Variants in KLF13 observed in about 807,000 individuals in gnomAD.
KLF13 encodes Krueppel-like factor 13.
KLF13 carries 8 observed loss-of-function variants against 16.7 expected under a neutral mutation model. That is an observed-to-expected ratio of 0.48 (90% CI 0.28 to 0.87). The LOEUF (loss-of-function observed/expected upper bound fraction) is 0.87, where lower values mean the gene tolerates loss of function less well. KLF13 is among the 40% of genes least tolerant of loss of function. The pLI, the probability that KLF13 is intolerant of heterozygous loss-of-function variation, is 0.10. For missense variants in KLF13, 447 were observed against 452.2 expected (o/e 0.99, Z 0.10); for synonymous variants, 245 against 208.4 (o/e 1.18, Z -1.51).
At chr15:31,416,430 A>G (rs559915360) in intron 1 of KLF13, among the ~76,000 whole-genome samples, 15 of 152,184 alleles carry the variant, frequency 9.9e-5, no homozygotes, top group Admixed American at 4.6e-4. Context: ...GCAATATATA[A>G]AAAGAATTAT....
intron 1 of KLF13, among the ~76,000 whole-genome samples, chr15:31,426,857 T>C (rs376377714): frequency 5.9e-5 from 9 of 152,088 alleles, no homozygotes; most frequent in South Asian, 4.2e-4. Context: ...GCAGCTGGGG[T>C]CTGGAAAGAA....
chr15:31,392,449 C>T (rs976496435), upstream of KLF13, among the ~76,000 whole-genome samples: 2 of 152,170 alleles, frequency 1.3e-5, no homozygotes, highest in Non-Finnish European at 2.9e-5. Flanking sequence ...CCTGATGTGG[C>T]CCCGCCCTGC....
chr15:31,365,709 C>T (rs1334487429), intron 1 of KLF13, among the ~76,000 whole-genome samples: 1 of 152,072 alleles, frequency 6.6e-6, no homozygotes, highest in Non-Finnish European at 1.5e-5. Context: ...CGCAGGAGGG[C>T]AGAGCAGAGT....
At chr15:31,388,314 A>T (rs1016589720), upstream of KLF13, among the ~76,000 whole-genome samples, 5 of 152,148 alleles carry the variant, frequency 3.3e-5, no homozygotes, top group Non-Finnish European at 7.3e-5. Flanking sequence ...AAATGATTTT[A>T]AAAATGAAAC....
At chr15:31,398,164 A>G (rs2039981705) in intron 2 of KLF13, among the ~76,000 whole-genome samples, 1 of 152,146 alleles carries the variant, frequency 6.6e-6, no homozygotes, top group Non-Finnish European at 1.5e-5. Context: ...AAAGCACAGG[A>G]TGCTCCTGCT....
At chr15:31,352,129 T>C (rs1249505300) in intron 1 of KLF13, among the ~76,000 whole-genome samples, 1 of 151,626 alleles carries the variant, frequency 6.6e-6, no homozygotes, top group African/African-American at 2.4e-5. Context: ...ACTGTTGGAG[T>C]TTACACAACA....
downstream of KLF13, among the ~76,000 whole-genome samples, chr15:31,405,326 G>GGA (rs1238812891): frequency 2.0e-5 from 3 of 151,500 alleles, no homozygotes. Context: ...AAAAACAGAA[G>GGA]GAAAAAAAAA....
At position 31,424,875 on chromosome 15, in the gene KLF13, TCA is replaced by T. The variant is rs71110875; in HGVS notation, n.118-10466_118-10465del. Among the ~76,000 whole-genome samples the T allele has an allele frequency of 8.6e-4, 126 of 146,306 alleles. 3 individuals carry two copies. The highest frequency in any genetic ancestry group is 2.7e-3 in the African/African-American group (107 of 39,240). On this transcript the variant is annotated intron_variant and non_coding_transcript_variant, in intron 1 of 1. Transcript: ENST00000558225. ...TTATATGTAGAAAATTCTAGAGATT[TCA>T]CACACACACACACACACACACACAC...
At chr15:31,382,107 C>G (rs1332231476), downstream of KLF13, among the ~76,000 whole-genome samples, 2 of 152,214 alleles carry the variant, frequency 1.3e-5, no homozygotes, top group Non-Finnish European at 2.9e-5. Context: ...GCCAGATACT[C>G]AGGCCCCCAG....
chr15:31,409,367 C>T (rs1223040554), downstream of KLF13, among the ~76,000 whole-genome samples: 4 of 151,958 alleles, frequency 2.6e-5, no homozygotes, highest in Non-Finnish European at 4.4e-5. Context: ...GCAATATATG[C>T]ATTATACAAA....
chr15:31,425,084 G>T (rs1314591304), intron 1 of KLF13, among the ~76,000 whole-genome samples: 5 of 151,914 alleles, frequency 3.3e-5, no homozygotes, highest in Non-Finnish European at 7.4e-5. Context: ...AATCAAGGAG[G>T]TGAAAGACTT....
chr15:31,420,666 G>T, intron 1 of KLF13: 2 of 360,566 alleles, frequency 5.5e-6, no homozygotes, highest in South Asian at 2.5e-5. Flanking sequence ...CCTGACCCAG[G>T]CTGCCCAGAC....
At chr15:31,331,555 G>A (rs535140047) in intron 1 of KLF13, among the ~76,000 whole-genome samples, 1 of 152,184 alleles carries the variant, frequency 6.6e-6, no homozygotes, top group African/African-American at 2.4e-5. Flanking sequence ...GAGGGCATCT[G>A]GCAGAGCAGA....
At chr15:31,338,041 G>C (rs1245284182) in intron 1 of KLF13, among the ~76,000 whole-genome samples, 1 of 152,226 alleles carries the variant, frequency 6.6e-6, no homozygotes, top group East Asian at 1.9e-4. Context: ...TCAGGCTTTA[G>C]AGTCTTACAG....
In KLF13 at chr15:31,327,217, C is replaced by T; in HGVS notation, c.5C>T (p.Ala2Val). 7.4e-7 allele frequency: 1 copy of T among 1,355,904 alleles called. No individual in the cohort carries two copies. The highest frequency in any genetic ancestry group is 9.5e-7 in the Non-Finnish European group (1 of 1,053,152). 84.0% of individuals were successfully genotyped at this position (1,355,904 alleles called of 1,614,324 possible). The change falls in exon 1 of 2, where the codon GCA becomes GTA. Residue 2 changes from alanine to valine, a missense_variant. Coordinates refer to ENST00000307145, the MANE Select transcript of KLF13 (RefSeq NM_015995.4). M[A>V]AAAYVDHFAA... ...CCGCCGGCCCCAGCCCGCAGCATGG[C>T]AGCCGCCGCCTATGTGGACCACTTC...
intron 1 of KLF13, among the ~76,000 whole-genome samples, chr15:31,345,189 C>T (rs987725457): frequency 6.6e-5 from 10 of 152,296 alleles, no homozygotes; most frequent in Middle Eastern, 6.8e-3. Context: ...GGCATGCAGG[C>T]GTGCTGCATC....
chr15:31,350,725 C>T lies in KLF13; in HGVS notation c.578-21285C>T, dbSNP rs573723741. ...CTCAGCTTTCAGACCTTGAAGGATC[C>T]GCAAGGAAGCTTTGGTCTGGGTACA... On this transcript the variant is annotated intron_variant, in intron 1 of 1. Transcript: ENST00000307145. 3.5e-4 allele frequency among the ~76,000 whole-genome samples: 53 copies of T among 152,312 alleles called. 1 individual carries two copies. Among genetic ancestry groups the T allele is most frequent in the South Asian group, 3.1e-3 (15 of 4,828 alleles).
At chr15:31,383,228 C>G in intron 1 of KLF13, among the ~76,000 whole-genome samples, 1 of 152,200 alleles carries the variant, frequency 6.6e-6, no homozygotes, top group East Asian at 1.9e-4. Context: ...TAAACACACT[C>G]CAGTGGGTTT....
intron 1 of KLF13, among the ~76,000 whole-genome samples, chr15:31,370,044 C>CTTT (rs912005994): frequency 4.0e-5 from 4 of 99,276 alleles, no homozygotes; most frequent in South Asian, 3.3e-4. Flanking sequence ...TCTCCTTTTT[C>CTTT]TTTTTTTTTT....
Sources: gnomAD v4.1 joint callset for allele counts (sites outside exome capture counted in the v4.1 genomes callset) on GRCh38, gnomAD v4.1.1 for gene constraint, MANE v1.5 for transcripts, NCBI Gene and HGNC (gene_info 2026-07-23, HGNC 2026-07-21) for gene names.